DISC1: variants seen among roughly 807,000 people sequenced by gnomAD.
DISC1 encodes disrupted in schizophrenia 1 protein.
Under a neutral mutation model 84.5 loss-of-function variants are expected in DISC1, and 57 were observed. The ratio of observed to expected loss-of-function variants is 0.67; its 90% confidence interval spans 0.55 to 0.84. The LOEUF (loss-of-function observed/expected upper bound fraction) is 0.84, where lower values mean the gene tolerates loss of function less well. Ranked by LOEUF, DISC1 falls within the 40% of genes least tolerant of loss-of-function variation. DISC1 has a pLI of 0.00. For synonymous variants in DISC1, 411 were observed against 415.2 expected, an observed-to-expected ratio of 0.99 and a Z score of 0.12; for missense variants, 1,000 against 1,057.8, an observed-to-expected ratio of 0.95 and a Z score of 0.76.
At chr1:231,750,771 T>C (rs746022774) in intron 4 of DISC1, among the ~76,000 whole-genome samples, 3 of 152,180 alleles carry the variant, frequency 2.0e-5, no homozygotes. Flanking sequence ...CCTTTCTCCC[T>C]AGGTAAAGGT....
intron 9 of DISC1, among the ~76,000 whole-genome samples, chr1:231,873,635 G>A (rs1270920807): frequency 6.6e-6 from 1 of 152,184 alleles, no homozygotes; most frequent in Admixed American, 6.5e-5. Context: ...TAAGGAAAAT[G>A]CAGATGACAA....
Position 231,717,723 on chromosome 1 carries a change from G to A in DISC1, c.1117+15699G>A, listed in dbSNP as rs532626089. 6.6e-5 allele frequency among the ~76,000 whole-genome samples: 10 copies of A among 152,238 alleles called. No homozygotes were observed. In the East Asian group the frequency reaches 1.7e-3, roughly 26 times the overall value. On this transcript the variant is annotated intron_variant, in intron 3 of 12. Coordinates refer to ENST00000439617, the MANE Select transcript of DISC1 (RefSeq NM_018662.3). ...TGAGCACCATTCAATAATTCTATGT[G>A]TTGTATGAACGCATCAGACAATTCC...
chr1:231,795,344 C>T (rs1243515330), intron 7 of DISC1, 48 bp downstream of exon 7: 26 of 1,542,758 alleles, frequency 1.7e-5, no homozygotes, highest in East Asian at 2.2e-5. Flanking sequence ...ATGAAGTTTT[C>T]GTTTGACTTG....
intron 8 of DISC1, among the ~76,000 whole-genome samples, chr1:231,800,961 C>CA (rs1298040955): frequency 6.6e-6 from 1 of 151,812 alleles, no homozygotes; most frequent in Non-Finnish European, 1.5e-5. Flanking sequence ...ATGACAGCTT[C>CA]AAAAAGTTCT....
chr1:231,899,369 G>A (rs549122500), intron 9 of DISC1, among the ~76,000 whole-genome samples: 1 of 152,254 alleles, frequency 6.6e-6, no homozygotes, highest in Non-Finnish European at 1.5e-5. Context: ...CTGCTGGTCT[G>A]GGGACCACAT....
chr1:231,758,780 C>T (rs190729812), intron 4 of DISC1, among the ~76,000 whole-genome samples: 144 of 152,258 alleles, frequency 9.5e-4, no homozygotes, highest in African/African-American at 3.2e-3. Context: ...TATCATCACA[C>T]ATTTGGAAGA....
chr1:231,929,520 A>C (rs915960027), intron 9 of DISC1, among the ~76,000 whole-genome samples: 2 of 152,198 alleles, frequency 1.3e-5, no homozygotes, highest in Admixed American at 6.5e-5. Context: ...ATGAGCCCTC[A>C]TGGCACTGCG....
chr1:231,739,591 G>A (rs2072982522), intron 3 of DISC1, among the ~76,000 whole-genome samples: 1 of 152,184 alleles, frequency 6.6e-6, no homozygotes, highest in African/African-American at 2.4e-5. Flanking sequence ...AGGAAGAGAC[G>A]AGAAGGCCCA....
chr1:231,796,725 C>T (rs2078794707), intron 7 of DISC1, among the ~76,000 whole-genome samples: 1 of 152,134 alleles, frequency 6.6e-6, no homozygotes, highest in South Asian at 2.1e-4. Flanking sequence ...AAATGCTTGA[C>T]TTCTGCTCTG....
intron 10 of DISC1, among the ~76,000 whole-genome samples, chr1:231,972,842 G>A (rs895066010): frequency 7.2e-5 from 11 of 152,108 alleles, no homozygotes; most frequent in Non-Finnish European, 8.8e-5. Context: ...TGGTTATAAG[G>A]TTTAGGAAAA....
intron 10 of DISC1, among the ~76,000 whole-genome samples, chr1:231,981,146 G>A (rs1473554162): frequency 6.6e-6 from 1 of 152,126 alleles, no homozygotes; most frequent in African/African-American, 2.4e-5. Flanking sequence ...GTCTTGCAAT[G>A]TTGTTGAGAC....
chr1:231,828,973 A>G, intron 9 of DISC1, among the ~76,000 whole-genome samples: 1 of 152,170 alleles, frequency 6.6e-6, no homozygotes, highest in African/African-American at 2.4e-5. Context: ...TCAGAGCCAT[A>G]CTCTTCATTA....
intron 9 of DISC1, among the ~76,000 whole-genome samples, chr1:231,834,338 C>G (rs1291969190): frequency 6.6e-6 from 1 of 151,806 alleles, no homozygotes; most frequent in Admixed American, 6.6e-5. Flanking sequence ...AAAGACTTAG[C>G]GACGCTTGGG....
chr1:231,811,741 G>T (rs2080317774), intron 8 of DISC1, among the ~76,000 whole-genome samples: 1 of 152,184 alleles, frequency 6.6e-6, no homozygotes, highest in Non-Finnish European at 1.5e-5. Flanking sequence ...CTTTAGTGAT[G>T]ATTTCTACCC....
chr1:231,988,393 A>G (rs1223943643), intron 10 of DISC1, among the ~76,000 whole-genome samples: 1 of 152,158 alleles, frequency 6.6e-6, no homozygotes, highest in Non-Finnish European at 1.5e-5. Flanking sequence ...TTAAAAATCT[A>G]CTATGATCTG....
Position 232,037,937 on chromosome 1 carries a change from G to A in DISC1, c.*1106G>A, listed in dbSNP as rs1022232851. 12 of 151,210 alleles carry A rather than the reference G, an allele frequency of 7.9e-5. No individual in the cohort carries two copies. The highest frequency in any genetic ancestry group is 4.0e-4 in the Admixed American group (6 of 15,134). The allele number at this position is 151,210 out of a possible 1,614,324, so 9.4% of individuals were successfully genotyped here. ...ACTCAGTAACACAGTGCAGTACTCA[G>A]TAACAGTGCAGTACTCAGTAACAGT... On this transcript the variant is annotated 3_prime_UTR_variant, in exon 13 of 13. Coordinates refer to ENST00000439617, the MANE Select transcript of DISC1 (RefSeq NM_018662.3).
intron 3 of DISC1, among the ~76,000 whole-genome samples, chr1:231,715,991 TC>T (rs1269094940): frequency 6.6e-6 from 1 of 152,146 alleles, no homozygotes; most frequent in African/African-American, 2.4e-5. Flanking sequence ...ACTGGCTTGT[TC>T]CTGGATAAAC....
At chr1:231,932,913 CA>C (rs1202587300) in intron 9 of DISC1, among the ~76,000 whole-genome samples, 9 of 152,070 alleles carry the variant, frequency 5.9e-5, no homozygotes, top group Non-Finnish European at 1.2e-4. Context: ...TGGAGAGCGC[CA>C]ATTAGTTGTG....
At chr1:231,762,406 C>T (rs1347116701) in intron 4 of DISC1, among the ~76,000 whole-genome samples, 1 of 151,612 alleles carries the variant, frequency 6.6e-6, no homozygotes, top group Non-Finnish European at 1.5e-5. Context: ...ATGATCATAG[C>T]TCACTGCAGC....
Sources: gnomAD v4.1 joint callset for allele counts (sites outside exome capture counted in the v4.1 genomes callset) on GRCh38, gnomAD v4.1.1 for gene constraint, MANE v1.5 for transcripts, NCBI Gene and HGNC (gene_info 2026-07-23, HGNC 2026-07-21) for gene names.